Variants in SDK1 observed in about 807,000 individuals in gnomAD.
SDK1 encodes sidekick cell adhesion molecule 1.
SDK1 carries 157 observed loss-of-function variants against 245.5 expected under a neutral mutation model. That is an observed-to-expected ratio of 0.64 (90% CI 0.56 to 0.73). The LOEUF is 0.73. Among genes scored for constraint, SDK1 ranks in the 30% least tolerant of loss-of-function variants. The pLI, the probability that SDK1 is intolerant of heterozygous loss-of-function variation, is 0.00. For synonymous variants in SDK1, 1,647 were observed against 1,278.5 expected (o/e 1.29, Z -6.15); for missense variants, 3,583 against 3,002.3 (o/e 1.19, Z -4.52).
intron 5 of SDK1, among the ~76,000 whole-genome samples, chr7:3,830,178 G>T (rs1779879516): frequency 6.6e-6 from 1 of 152,120 alleles, no homozygotes; most frequent in Non-Finnish European, 1.5e-5. Context: ...AGGGAGTAAG[G>T]CAAGCACTTG....
At chr7:3,674,305 A>T (rs1783820291) in intron 4 of SDK1, among the ~76,000 whole-genome samples, 2 of 152,126 alleles carry the variant, frequency 1.3e-5, no homozygotes, top group Admixed American at 6.5e-5. Flanking sequence ...TGTAGTGAGC[A>T]TGGTAATGAG....
intron 5 of SDK1, among the ~76,000 whole-genome samples, chr7:3,925,339 G>A (rs1316993737): frequency 1.3e-5 from 2 of 152,310 alleles, no homozygotes; most frequent in South Asian, 2.1e-4. Context: ...TAGAAGCCCT[G>A]CCCTCTGAGT....
chr7:3,958,953 G>A lies in SDK1; in HGVS notation c.1173G>A (p.Glu391=). The change falls in exon 8 of 45, where the codon GAG becomes GAA. Residue 391 remains glutamate, a synonymous_variant. Transcript: ENST00000404826. The part of the protein sequence containing the change: ...FIIEPPYFTA[E]PESRISAEVE... ...AAGAGCCACCATATTTTACTGCTGA[G>A]CCCGAGAGTCGGATTTCAGCTGAAG... 1 of 1,613,962 alleles carries A rather than the reference G, an allele frequency of 6.2e-7. No homozygotes were observed. Among genetic ancestry groups the A allele is most frequent in the Non-Finnish European group, 8.5e-7 (1 of 1,179,928 alleles).
chr7:3,636,666 G>A (rs1326913487), intron 2 of SDK1, among the ~76,000 whole-genome samples: 3 of 152,322 alleles, frequency 2.0e-5, no homozygotes, highest in East Asian at 3.9e-4. Context: ...CAGTAGACGT[G>A]GGAGGGCAGA....
intron 4 of SDK1, among the ~76,000 whole-genome samples, chr7:3,775,328 A>G (rs1780521287): frequency 6.6e-6 from 1 of 152,208 alleles, no homozygotes; most frequent in Non-Finnish European, 1.5e-5. Context: ...AATAGTGGCA[A>G]CTGCCTATGG....
At chr7:3,953,172 A>G (rs1331274638) in intron 7 of SDK1, among the ~76,000 whole-genome samples, 3 of 148,402 alleles carry the variant, frequency 2.0e-5, no homozygotes, top group African/African-American at 7.4e-5. Context: ...AAAATAAGGA[A>G]AAAAAAAAAA....
chr7:3,481,309 T>C (rs1160561439), intron 1 of SDK1, among the ~76,000 whole-genome samples: 3 of 152,248 alleles, frequency 2.0e-5, no homozygotes, highest in African/African-American at 4.8e-5. Context: ...GAAGCTGGAC[T>C]TGAACTCTGT....
At chr7:3,672,759 T>TATATATACATATA (rs1554307103) in intron 4 of SDK1, among the ~76,000 whole-genome samples, 943 of 50,474 alleles carry the variant, frequency 0.019, 88 homozygotes, top group African/African-American at 0.061. Flanking sequence ...ATATATAATT[T>TATATATACATATA]TATATATATA....
chr7:3,548,521 A>G (rs996893413), intron 1 of SDK1, among the ~76,000 whole-genome samples: 2 of 152,166 alleles, frequency 1.3e-5, no homozygotes, highest in African/African-American at 4.8e-5. Flanking sequence ...TTTGTCGTAA[A>G]CAATGCTGAG....
chr7:3,562,131 G>C (rs1223909978), intron 1 of SDK1, among the ~76,000 whole-genome samples: 1 of 152,146 alleles, frequency 6.6e-6, no homozygotes, highest in Admixed American at 6.5e-5. Flanking sequence ...TTCACCTGGG[G>C]AATAGAACTT....
chr7:3,891,234 G>A (rs1781450523), intron 5 of SDK1, among the ~76,000 whole-genome samples: 1 of 152,166 alleles, frequency 6.6e-6, no homozygotes, highest in South Asian at 2.1e-4. Context: ...CCCGTAGGCT[G>A]GGAGTAGGGG....
Position 3,619,063 on chromosome 7 carries a change from GT to G in SDK1, c.299-11del. ...GCGTACTTCAGTTTTGTTTTGTTTT[GT>G]TTTTTAATATTTCAGATGATGTTGC... On this transcript the variant is annotated splice_polypyrimidine_tract_variant and intron_variant, in intron 1 of 44. Transcript: ENST00000404826. The G allele has an allele frequency of 6.5e-7, 1 of 1,540,910 alleles. No homozygotes were observed. The highest frequency in any genetic ancestry group is 8.8e-7 in the Non-Finnish European group (1 of 1,134,258).
At position 3,572,223 on chromosome 7, in the gene SDK1, A is replaced by G. The variant is rs1780138847; in HGVS notation, c.299-46857A>G. ...TGGAAGTAACTCACATTCTTTTTAA[A>G]ATTTTTTTGGTCTGTTTCTTTGTCA... On this transcript the variant is annotated intron_variant, in intron 1 of 44. Coordinates refer to ENST00000404826, the MANE Select transcript of SDK1 (RefSeq NM_152744.4). 2.0e-5 allele frequency among the ~76,000 whole-genome samples: 3 copies of G among 152,056 alleles called. No individual in the cohort carries two copies. In the South Asian group the frequency reaches 6.2e-4, roughly 31 times the overall value.
chr7:3,336,226 T>C (rs1429149812), intron 1 of SDK1, among the ~76,000 whole-genome samples: 1 of 152,122 alleles, frequency 6.6e-6, no homozygotes, highest in Admixed American at 6.5e-5. Flanking sequence ...GCAGCATGCT[T>C]CGGTTCCCCA....
intron 4 of SDK1, among the ~76,000 whole-genome samples, chr7:3,731,582 G>C (rs1466380347): frequency 6.6e-6 from 1 of 152,154 alleles, no homozygotes; most frequent in Admixed American, 6.5e-5. Flanking sequence ...ACCTGAGCAG[G>C]CATCTGGACT....
chr7:3,590,586 A>C (rs1048380927), intron 1 of SDK1, among the ~76,000 whole-genome samples: 2 of 152,162 alleles, frequency 1.3e-5, no homozygotes, highest in African/African-American at 4.8e-5. Context: ...AATTAAAATG[A>C]AAAGTCTAAA....
At position 3,829,581 on chromosome 7, in the gene SDK1, G is replaced by A. The variant is rs117270042; in HGVS notation, c.847+7998G>A. The stretch of plus-strand genomic sequence containing the variant: ...TATTTGTCCCCCTCCCAAAACCCTC[G>A]TTTCTCCAATGAAAGCAGAACAACA... On this transcript the variant is annotated intron_variant, in intron 5 of 44. Coordinates refer to ENST00000404826, the MANE Select transcript of SDK1 (RefSeq NM_152744.4). Among the ~76,000 whole-genome samples the A allele has an allele frequency of 7.2e-3, 1,099 of 152,240 alleles. 5 individuals are homozygous for A. The highest frequency in any genetic ancestry group is 0.011 in the Non-Finnish European group (752 of 68,014).
intron 1 of SDK1, chr7:3,338,189 A>T: frequency 3.8e-6 from 1 of 260,238 alleles, no homozygotes; most frequent in South Asian, 7.5e-5. Flanking sequence ...TTTAGAAAAC[A>T]TGGACTTGTT....
intron 41 of SDK1, among the ~76,000 whole-genome samples, chr7:4,237,211 TTTTG>T (rs1786224416): frequency 6.6e-6 from 1 of 151,976 alleles, no homozygotes; most frequent in Non-Finnish European, 1.5e-5. Flanking sequence ...TTTTGTTTTG[TTTTG>T]TTTGTTTTTT....
Sources: allele counts gnomAD v4.1 joint callset (sites outside exome capture counted in the v4.1 genomes callset), GRCh38; gene constraint gnomAD v4.1.1; transcripts MANE v1.5; gene names NCBI Gene and HGNC (gene_info 2026-07-23, HGNC 2026-07-21).